Variants in MAX observed in about 807,000 individuals in gnomAD.
The protein encoded by MAX is MYC associated transcriptional regulator X.
A neutral mutation model predicts 22.3 loss-of-function variants in MAX; 3 were observed. The observed-to-expected ratio is 0.13, with a 90% CI of 0.06 to 0.35. The LOEUF is 0.35. Among genes scored for constraint, MAX ranks in the 10% least tolerant of loss-of-function variants. MAX has a pLI of 1.00. For missense variants in MAX, 119 were observed against 209.4 expected, an observed-to-expected ratio of 0.57 and a Z score of 2.66; for synonymous variants, 72 against 77.7, an observed-to-expected ratio of 0.93 and a Z score of 0.39.
intron 1 of MAX, chr14:65,101,808 A>C (rs2063850847): frequency 6.9e-6 from 4 of 578,924 alleles, no homozygotes; most frequent in Non-Finnish European, 9.1e-6. Flanking sequence ...CCTGGGCCAG[A>C]GGGGTCCCGA....
Position 65,077,918 on chromosome 14 carries a change from T to C in MAX, c.290A>G (p.Gln97Arg). ...DLKRQNALLE[Q>R]QVRALEKARS... The stretch of plus-strand genomic sequence containing the variant: ...CCACGAGCTCGGGTGCTCACCTTGC[T>C]GCTCCAGAAGAGCATTCTGCCGCTT... Residue 97 changes from glutamine to arginine, a missense_variant, in exon 4 of 5, where the codon CAG (glutamine) becomes CGG (arginine). Around this residue, in one of 3 missense-constraint regions of MAX, gnomAD observed 95 missense variants for 148.1 expected, o/e 0.64. Transcript: ENST00000358664. This position sits in a 1 kb window ranked among gnomAD's most constrained non-coding sequence, Gnocchi z 6.3. 6.2e-7 allele frequency: 1 copy of C among 1,614,252 alleles called. No homozygotes were observed.
At chr14:65,024,664 C>T (rs980876829) in intron 3 of MAX, among the ~76,000 whole-genome samples, 2 of 152,100 alleles carry the variant, frequency 1.3e-5, no homozygotes, top group African/African-American at 4.8e-5. Context: ...TTTGTGAATA[C>T]TTGTTTTTCA....
Position 65,023,920 on chromosome 14 carries a change from G to A in MAX, c.172-17636C>T, listed in dbSNP as rs746476588. On this transcript the variant is annotated intron_variant, in intron 3 of 3. Transcript: ENST00000341653. This position sits in a 1 kb window ranked among gnomAD's most constrained non-coding sequence, Gnocchi z 4.1. ...GTTCGAGACCAGCCTGGGCAACACA[G>A]TGAAACCCTGACTCTACTAAAAAAT... Among the ~76,000 whole-genome samples the A allele has an allele frequency of 6.6e-6, 1 of 152,116 alleles. No individual in the cohort carries two copies. Among genetic ancestry groups the A allele is most frequent in the Non-Finnish European group, 1.5e-5 (1 of 68,026 alleles).
In MAX at chr14:65,054,747, C is replaced by T. The variant is rs1375324918; in HGVS notation, c.171+38961G>A. The T allele has an allele frequency of 6.5e-7, 1 of 1,530,770 alleles. No individual in the cohort carries two copies. Among genetic ancestry groups the T allele is most frequent in the Admixed American group, 2.0e-5 (1 of 51,168 alleles). 94.8% of individuals were successfully genotyped at this position (1,530,770 alleles called of 1,614,324 possible). ...CCACAGGGACCTCGCGGACAGAAGG[C>T]TTTCCAAGTAAGCAGAACTGGCTCT... On this transcript the variant is annotated intron_variant, in intron 3 of 3. Transcript: ENST00000341653. This position sits in a 1 kb window ranked among gnomAD's most constrained non-coding sequence, Gnocchi z 4.4.
At chr14:65,070,956 A>G (rs139527948), downstream of MAX, among the ~76,000 whole-genome samples, 74 of 152,340 alleles carry the variant, frequency 4.9e-4, no homozygotes, top group Non-Finnish European at 5.7e-4. The surrounding 1 kb of genome is among the most constrained non-coding windows in gnomAD (Gnocchi z 4.4). Context: ...CTGCAAGGGT[A>G]TATTTCATTC....
chr14:65,061,039 C>CA, intron 3 of MAX: 1 of 1,366,016 alleles, frequency 7.3e-7, no homozygotes, highest in South Asian at 1.4e-5. Context: ...AGCAAATACA[C>CA]CATTTTTGAA....
chr14:65,035,836 T>C (rs997669770), intron 3 of MAX, among the ~76,000 whole-genome samples: 1 of 151,678 alleles, frequency 6.6e-6, no homozygotes, highest in African/African-American at 2.4e-5. Context: ...GCCCAGCTTT[T>C]TTTTTTTTTC....
At chr14:65,070,335 A>G (rs1174776243), downstream of MAX, among the ~76,000 whole-genome samples, 1 of 151,880 alleles carries the variant, frequency 6.6e-6, no homozygotes, top group Non-Finnish European at 1.5e-5. The surrounding 1 kb of genome is among the most constrained non-coding windows in gnomAD (Gnocchi z 4.4). Flanking sequence ...TGGATCCTTG[A>G]TTTTTCTTCT....
At chr14:65,024,328 A>AT (rs36123699) in intron 3 of MAX, among the ~76,000 whole-genome samples, 37,896 of 151,856 alleles carry the variant, frequency 0.25, 4,924 homozygotes, top group Non-Finnish European at 0.3. Context: ...GGGTGTTGGG[A>AT]TTTTTTTAAA....
intron 3 of MAX, among the ~76,000 whole-genome samples, chr14:65,085,907 C>T (rs1355807701): frequency 1.3e-5 from 2 of 152,136 alleles, no homozygotes; most frequent in Non-Finnish European, 2.9e-5. Context: ...TATGGTTTGG[C>T]TGTGTCCCTA....
chr14:65,008,202 A>G (rs2061626049), intron 3 of MAX, among the ~76,000 whole-genome samples: 1 of 152,226 alleles, frequency 6.6e-6, no homozygotes, highest in Admixed American at 6.5e-5. Flanking sequence ...TAGTGAGTTT[A>G]GAAAGTCCCC....
rs1481341613 is a variant in MAX at position 65,044,152 on chromosome 14, G to T, written c.172-37868C>A. On this transcript the variant is annotated intron_variant, in intron 3 of 3. Transcript: ENST00000341653. This position sits in a 1 kb window ranked among gnomAD's most constrained non-coding sequence, Gnocchi z 5.5. ...CTTCACTCTGTGTCTATGGCAGTGT[G>T]GGGAGGGAAGGAAAGAAAACCAGAG... Among the ~76,000 whole-genome samples the T allele has an allele frequency of 6.6e-6, 1 of 152,186 alleles. No homozygotes were observed.
intron 3 of MAX, among the ~76,000 whole-genome samples, chr14:65,021,607 A>G (rs1289102610): frequency 6.6e-6 from 1 of 152,116 alleles, no homozygotes; most frequent in Non-Finnish European, 1.5e-5. Context: ...AGAATTACTG[A>G]GCCCCAGTGT....
rs372687079 is a variant in MAX at position 65,044,358 on chromosome 14, C to G, written c.172-38074G>C. The G allele has an allele frequency of 4.2e-5, 67 of 1,613,484 alleles. No homozygotes were observed. The South Asian group carries it at 6.4e-4, about 15-fold the overall frequency. On this transcript the variant is annotated intron_variant, in intron 3 of 3. Transcript: ENST00000341653. This position sits in a 1 kb window ranked among gnomAD's most constrained non-coding sequence, Gnocchi z 5.5. The stretch of plus-strand genomic sequence containing the variant: ...TGCGATTTGAAGGAGGATTTCAGGG[C>G]CGCTGCAACAAGCTGGTGGATGGCT...
At chr14:65,071,516 T>C (rs2062988060), downstream of MAX, among the ~76,000 whole-genome samples, 1 of 152,208 alleles carries the variant, frequency 6.6e-6, no homozygotes, top group South Asian at 2.1e-4. This position sits in a 1 kb window ranked among gnomAD's most constrained non-coding sequence, Gnocchi z 4.2. Context: ...ACATCTAAGA[T>C]TTGACAGTAT....
intron 3 of MAX, among the ~76,000 whole-genome samples, chr14:65,059,420 A>G (rs2062812570): frequency 2.6e-5 from 4 of 152,106 alleles, no homozygotes; most frequent in South Asian, 2.1e-4. Context: ...CTGAGAAACC[A>G]TCTAGGTCTA....
chr14:65,069,091 T>A lies in MAX; in HGVS notation c.171+24617A>T, dbSNP rs2062960314. On this transcript the variant is annotated intron_variant, in intron 3 of 3. Transcript: ENST00000341653. This position sits in a 1 kb window ranked among gnomAD's most constrained non-coding sequence, Gnocchi z 4.6. ...CGTAAGTGCTAGGTGTCCATGCTCC[T>A]TGCGAGGCTCCATCCCCCCAGCCCC... 6.6e-5 allele frequency among the ~76,000 whole-genome samples: 10 copies of A among 152,216 alleles called. No homozygotes were observed. The highest frequency in any genetic ancestry group is 5.2e-4 in the Admixed American group (8 of 15,290).
At chr14:65,053,427 G>A in intron 3 of MAX, 1 of 1,203,740 alleles carries the variant, frequency 8.3e-7, no homozygotes, top group Non-Finnish European at 1.1e-6. Flanking sequence ...CCTACTCAGA[G>A]CCAGATCTCA....
At chr14:65,096,354 C>G (rs1289718890) in intron 2 of MAX, among the ~76,000 whole-genome samples, 2 of 152,170 alleles carry the variant, frequency 1.3e-5, no homozygotes, top group African/African-American at 2.4e-5. Context: ...TTTGAAAGAA[C>G]AAGTTAAAAA....
Sources: allele counts gnomAD v4.1 joint callset (sites outside exome capture counted in the v4.1 genomes callset), GRCh38; gene constraint gnomAD v4.1.1; regional missense constraint gnomAD v4.1.1; non-coding constraint Gnocchi (gnomAD v3.1); transcripts MANE v1.5; gene names NCBI Gene and HGNC (gene_info 2026-07-23, HGNC 2026-07-21).